The following TEX15 variants were observed in gnomAD, a reference collection of about 807,000 sequenced individuals.
The protein encoded by TEX15 is testis expressed 15, meiosis and synapsis associated.
Under a neutral mutation model 237.3 loss-of-function variants are expected in TEX15, and 171 were observed. The ratio of observed to expected loss-of-function variants is 0.72; its 90% CI spans 0.64 to 0.82. The LOEUF (loss-of-function observed/expected upper bound fraction) is 0.82. Ranked by LOEUF, TEX15 falls within the 40% of genes least tolerant of loss-of-function variation. TEX15 has a pLI of 0.00. For synonymous variants in TEX15, 1,338 were observed against 1,269.8 expected (o/e 1.05, Z -1.14); for missense variants, 3,750 against 3,646.5 (o/e 1.03, Z -0.73).
At chr8:30,851,230 A>G (rs759521713) in intron 7 of TEX15, among the ~76,000 whole-genome samples, 1 of 152,232 alleles carries the variant, frequency 6.6e-6, no homozygotes, top group Admixed American at 6.5e-5. Context: ...TCAATATGAG[A>G]CTGGCTAAAT....
chr8:30,836,462 T>A (rs974775408), intron 10 of TEX15, among the ~76,000 whole-genome samples: 6 of 152,040 alleles, frequency 3.9e-5, no homozygotes, highest in African/African-American at 1.4e-4. Context: ...TCTGCCCCCC[T>A]CGGCCTCCCA....
chr8:30,859,721 T>A (rs1031289325), intron 6 of TEX15, among the ~76,000 whole-genome samples, 190 bp downstream of exon 6: 2 of 152,204 alleles, frequency 1.3e-5, no homozygotes, highest in Non-Finnish European at 2.9e-5. Flanking sequence ...TGAACTGAGT[T>A]AAATGTAATT....
intron 2 of TEX15, among the ~76,000 whole-genome samples, chr8:30,897,353 T>C (rs1478364471): frequency 1.3e-5 from 2 of 152,310 alleles, no homozygotes; most frequent in African/African-American, 4.8e-5. Context: ...TGCAAGAAAT[T>C]GTACACTGTA....
rs773008300 is a variant in TEX15 at position 30,845,916 on chromosome 8, T to C, written c.4251A>G (p.Ala1417=). 39 of 1,613,314 alleles carry C rather than the reference T, an allele frequency of 2.4e-5. No individual in the cohort carries two copies. The African/African-American group carries it at 4.8e-4, about 20-fold the overall frequency. ...TTTCCCAGAAATTATTGCATATTAT[T>C]GCATATGATTTTGGTAATGGGCCCT... is the stretch of plus-strand genomic sequence containing the variant. ...ERKGPLPKSY[A]IICNNFWESC... The change falls in exon 8 of 11, where the codon GCA becomes GCG. Residue 1417 remains alanine, a synonymous_variant. Coordinates refer to ENST00000643185, the MANE Select transcript of TEX15 (RefSeq NM_001350162.2).
At position 30,848,085 on chromosome 8, in the gene TEX15, A is replaced by G. The variant is rs1442954863; in HGVS notation, c.2082T>C (p.Ser694=). Residue 694 remains serine, a synonymous_variant, in exon 8 of 11, where the codon TCT becomes TCC. Transcript: ENST00000643185. ...ITQELEITKS[S]TSTIKDKDEL... ...CATCCTTATCCTTTATGGTAGATGT[A>G]GAAGATTTTGTTATTTCTAACTCTT... 2 of 1,611,240 alleles carry G rather than the reference A, an allele frequency of 1.2e-6. No homozygotes were observed. Among genetic ancestry groups the G allele is most frequent in the Admixed American group, 1.7e-5 (1 of 59,836 alleles).
At chr8:30,860,739 G>A (rs938091811) in intron 5 of TEX15, among the ~76,000 whole-genome samples, 84 of 151,638 alleles carry the variant, frequency 5.5e-4, no homozygotes, top group African/African-American at 2.0e-3. Flanking sequence ...TAGTAGAGAT[G>A]GGGTTTTGCC....
rs1257970359 is a variant in TEX15, at chr8:30,843,071, G to A, written c.7096C>T (p.His2366Tyr). The change falls in exon 8 of 11, where the codon CAC becomes TAC. Residue 2366 changes from histidine to tyrosine, a missense_variant. By Grantham distance (83) the His-to-Tyr change is moderately conservative (BLOSUM62 2). Transcript: ENST00000643185. The part of the protein sequence containing the change: ...NSKFNSNLLA[H>Y]PDICCISEIL... ...TCACTAATACAACAAATATCTGGGT[G>A]TGCAAGCAAATTACTGTTAAATTTA... 1 of 1,613,302 alleles carries A rather than the reference G, an allele frequency of 6.2e-7. No individual in the cohort carries two copies. Among genetic ancestry groups the A allele is most frequent in the Admixed American group, 1.7e-5 (1 of 59,956 alleles).
intron 7 of TEX15, among the ~76,000 whole-genome samples, chr8:30,855,619 T>C (rs754709932): frequency 3.3e-5 from 5 of 152,138 alleles, no homozygotes; most frequent in Non-Finnish European, 7.4e-5. Flanking sequence ...AATGAAAACA[T>C]ATATCCATGT....
At chr8:30,907,577 T>A (rs1225602458) in intron 1 of TEX15, among the ~76,000 whole-genome samples, 1 of 135,012 alleles carries the variant, frequency 7.4e-6, no homozygotes, top group East Asian at 2.0e-4. Flanking sequence ...TTATTATATA[T>A]AAATTAATAT....
At chr8:30,911,796 AC>A (rs1428756386) in intron 1 of TEX15, among the ~76,000 whole-genome samples, 1 of 152,060 alleles carries the variant, frequency 6.6e-6, no homozygotes, top group Non-Finnish European at 1.5e-5. Flanking sequence ...AGCATTCCAA[AC>A]GCGGAAACTC....
chr8:30,844,121 G>C lies in TEX15; in HGVS notation c.6046C>G (p.Leu2016Val). ...RADEASSLQI[L>V]QEETKVCLNI... Reference sequence around the variant, plus strand: ...AGACAAACCTTAGTTTCTTCCTGTAGAATCTGCAAAGATGATGCTTCATCT... The same window carrying C: ...AGACAAACCTTAGTTTCTTCCTGTACAATCTGCAAAGATGATGCTTCATCT... Residue 2016 changes from leucine to valine, a missense_variant, in exon 8 of 11, where the codon CTA (leucine) becomes GTA (valine). Leu to Val is a conservative substitution (Grantham distance 32, BLOSUM62 1). Coordinates refer to ENST00000643185, the MANE Select transcript of TEX15 (RefSeq NM_001350162.2). The C allele has an allele frequency of 6.2e-7, 1 of 1,613,292 alleles. No individual in the cohort carries two copies. Among genetic ancestry groups the C allele is most frequent in the Non-Finnish European group, 8.5e-7 (1 of 1,179,570 alleles).
chr8:30,893,404 T>C (rs1292708590), intron 2 of TEX15, among the ~76,000 whole-genome samples: 3 of 152,330 alleles, frequency 2.0e-5, no homozygotes, highest in East Asian at 3.9e-4. Flanking sequence ...TCAACCACCA[T>C]ATCCTCTATG....
At chr8:30,841,151 C>T (rs553221085) in intron 8 of TEX15, among the ~76,000 whole-genome samples, 1 of 152,310 alleles carries the variant, frequency 6.6e-6, no homozygotes, top group Non-Finnish European at 1.5e-5. Flanking sequence ...AACTCCTGGA[C>T]TCAAGCAGTC....
intron 1 of TEX15, among the ~76,000 whole-genome samples, chr8:30,907,489 T>TAAAATGTATATATAAATTATATAC (rs1809128540): frequency 8.8e-6 from 1 of 113,142 alleles, no homozygotes; most frequent in Non-Finnish European, 1.7e-5. Flanking sequence ...AAATTATATA[T>TAAAATGTATATATAAATTATATAC]AAAATGTATA....
chr8:30,854,140 A>G (rs1196762813), intron 7 of TEX15, among the ~76,000 whole-genome samples: 1 of 151,918 alleles, frequency 6.6e-6, no homozygotes, highest in Non-Finnish European at 1.5e-5. Flanking sequence ...GAAAAAAATA[A>G]AGAGAGGAAA....
Position 30,847,187 on chromosome 8 carries a change from C to A in TEX15, c.2980G>T (p.Ala994Ser). ...AIQIASATMP[A>S]LSLNNDDHQI... ...TGATCGTCATTATTTAGGCTTAATG[C>A]AGGCATAGTAGCACTAGCTATCTGT... Residue 994 changes from alanine to serine, a missense_variant, in exon 8 of 11, where the codon GCA becomes TCA. Coordinates refer to ENST00000643185, the MANE Select transcript of TEX15 (RefSeq NM_001350162.2). The A allele has an allele frequency of 6.2e-7, 1 of 1,613,922 alleles. No homozygotes were observed.
At chr8:30,872,962 G>A (rs1808323020) in intron 4 of TEX15, among the ~76,000 whole-genome samples, 1 of 152,112 alleles carries the variant, frequency 6.6e-6, no homozygotes. Context: ...AGTGTACAGT[G>A]TTTATAATGT....
At position 30,844,122 on chromosome 8, in the gene TEX15, A is replaced by G; in HGVS notation, c.6045T>C (p.Ile2015=). The G allele has an allele frequency of 6.2e-7, 1 of 1,613,392 alleles. No individual in the cohort carries two copies. Among genetic ancestry groups the G allele is most frequent in the Non-Finnish European group, 8.5e-7 (1 of 1,179,588 alleles). The part of the protein sequence containing the change: ...QRADEASSLQ[I]LQEETKVCLN... ...GACAAACCTTAGTTTCTTCCTGTAG[A>G]ATCTGCAAAGATGATGCTTCATCTG... The change falls in exon 8 of 11, where the codon ATT becomes ATC. Residue 2015 remains isoleucine, a synonymous_variant. Coordinates refer to ENST00000643185, the MANE Select transcript of TEX15 (RefSeq NM_001350162.2).
At chr8:30,866,625 C>G (rs2128771679) in intron 5 of TEX15, among the ~76,000 whole-genome samples, 1 of 152,094 alleles carries the variant, frequency 6.6e-6, no homozygotes, top group East Asian at 1.9e-4. Flanking sequence ...ATGGATACTT[C>G]TTATTCCAGA....
Sources: gnomAD v4.1 joint callset for allele counts (sites outside exome capture counted in the v4.1 genomes callset) on GRCh38, gnomAD v4.1.1 for gene constraint, MANE v1.5 for transcripts, NCBI Gene and HGNC (gene_info 2026-07-23, HGNC 2026-07-21) for gene names.